The following ANKS1B variants were observed in gnomAD, a reference collection of about 807,000 sequenced individuals.
The protein encoded by ANKS1B is ankyrin repeat and sterile alpha motif domain containing 1B.
A neutral mutation model predicts 148.3 loss-of-function variants in ANKS1B; 36 were observed. The ratio of observed to expected loss-of-function variants is 0.24; its 90% CI spans 0.19 to 0.32. The LOEUF is 0.32. ANKS1B is among the 10% of genes least tolerant of loss of function. The pLI is 1.00. For synonymous variants in ANKS1B, 542 were observed against 560.8 expected (o/e 0.97, Z 0.47); for missense variants, 1,157 against 1,542.6 (o/e 0.75, Z 4.19).
intron 1 of ANKS1B, among the ~76,000 whole-genome samples, chr12:99,951,802 CTTGAGCCCAGCAGTTGG>C (rs546666689): frequency 1.2e-3 from 177 of 152,234 alleles, no homozygotes; most frequent in African/African-American, 4.0e-3. Flanking sequence ...CGGAAGATCA[CTTGAGCCCAGCAGTTGG>C]AGGTTACAGT....
At chr12:99,940,643 C>G (rs1361281329) in intron 1 of ANKS1B, among the ~76,000 whole-genome samples, 2 of 152,112 alleles carry the variant, frequency 1.3e-5, no homozygotes, top group Non-Finnish European at 2.9e-5. Flanking sequence ...TCTTACTTAA[C>G]GCTTCCAACT....
At chr12:99,135,916 T>A (rs897958164) in intron 15 of ANKS1B, among the ~76,000 whole-genome samples, 1 of 152,100 alleles carries the variant, frequency 6.6e-6, no homozygotes, top group Non-Finnish European at 1.5e-5. Flanking sequence ...GATTAATGTG[T>A]GGCAGTCTCA....
At chr12:99,647,035 A>G (rs561216899) in intron 9 of ANKS1B, among the ~76,000 whole-genome samples, 1 of 152,272 alleles carries the variant, frequency 6.6e-6, no homozygotes, top group South Asian at 2.1e-4. Context: ...TCCCCTGGTA[A>G]CAGAAATAAA....
chr12:99,572,537 A>C (rs931129230), intron 9 of ANKS1B, among the ~76,000 whole-genome samples: 1 of 152,136 alleles, frequency 6.6e-6, no homozygotes, highest in African/African-American at 2.4e-5. Context: ...AAAATTCAAC[A>C]GTTACAGTCT....
chr12:99,673,304 G>A (rs2091335528), intron 8 of ANKS1B, among the ~76,000 whole-genome samples: 1 of 152,010 alleles, frequency 6.6e-6, no homozygotes, highest in Admixed American at 6.6e-5. Context: ...CAAGCTTCCA[G>A]AATGAACACT....
At chr12:99,224,848 T>C (rs1443944506) in intron 14 of ANKS1B, among the ~76,000 whole-genome samples, 1 of 152,180 alleles carries the variant, frequency 6.6e-6, no homozygotes, top group Non-Finnish European at 1.5e-5. Flanking sequence ...ACACTGTATC[T>C]CATAATCTTT....
intron 15 of ANKS1B, among the ~76,000 whole-genome samples, chr12:99,103,579 T>A (rs2058488280): frequency 6.6e-6 from 1 of 152,226 alleles, no homozygotes; most frequent in South Asian, 2.1e-4. Flanking sequence ...ATTTAAATAC[T>A]TCTTAAAACA....
chr12:98,746,583 G>A (rs1192815028), intron 26 of ANKS1B, among the ~76,000 whole-genome samples: 5 of 152,126 alleles, frequency 3.3e-5, no homozygotes, highest in South Asian at 2.1e-4. Flanking sequence ...GCCGCTATGC[G>A]TCATCACATA....
At chr12:99,500,099 AGT>A (rs1287736596) in intron 10 of ANKS1B, among the ~76,000 whole-genome samples, 1 of 152,184 alleles carries the variant, frequency 6.6e-6, no homozygotes, top group African/African-American at 2.4e-5. Context: ...CTCTCTCTGC[AGT>A]GTTTTACCTA....
chr12:99,675,445 C>T (rs1567619012), intron 8 of ANKS1B, among the ~76,000 whole-genome samples: 1 of 151,572 alleles, frequency 6.6e-6, no homozygotes, highest in Non-Finnish European at 1.5e-5. Flanking sequence ...TAATATGTTG[C>T]ACTGTTTTAA....
intron 17 of ANKS1B, among the ~76,000 whole-genome samples, chr12:99,007,979 C>A (rs2099937121): frequency 6.6e-6 from 1 of 151,828 alleles, no homozygotes; most frequent in African/African-American, 2.4e-5. Flanking sequence ...AGCCCCCCCA[C>A]CCTCTATCAG....
At chr12:99,980,487 T>C (rs2095685294) in intron 1 of ANKS1B, among the ~76,000 whole-genome samples, 1 of 152,028 alleles carries the variant, frequency 6.6e-6, no homozygotes, top group Admixed American at 6.5e-5. Context: ...AAGATCATAC[T>C]ATAAATGCTT....
At chr12:99,966,647 A>G (rs1364761709) in intron 1 of ANKS1B, among the ~76,000 whole-genome samples, 1 of 152,202 alleles carries the variant, frequency 6.6e-6, no homozygotes, top group Non-Finnish European at 1.5e-5. Flanking sequence ...TAGAGAGAAG[A>G]GTCTATTTTC....
intron 17 of ANKS1B, among the ~76,000 whole-genome samples, chr12:98,994,287 T>G (rs2099928290): frequency 6.6e-6 from 1 of 152,300 alleles, no homozygotes; most frequent in East Asian, 1.9e-4. Flanking sequence ...ACTTCTTGTT[T>G]TAGTTTGCTA....
At position 98,909,937 on chromosome 12, in the gene ANKS1B, C is replaced by G. The variant is rs550485357; in HGVS notation, c.2779-77801G>C. Among the ~76,000 whole-genome samples, 11 of 152,304 alleles carry G rather than the reference C, an allele frequency of 7.2e-5. No individual in the cohort carries two copies. The South Asian group carries it at 1.5e-3, about 20-fold the overall frequency. ...GATACAGCTCCATACCTCAGGGGGC[C>G]GGGAATCAGCTGCCAGCAGCCAATG... On this transcript the variant is annotated intron_variant, in intron 17 of 26. Coordinates refer to ENST00000683438, the MANE Select transcript of ANKS1B (RefSeq NM_001352186.2).
At chr12:98,853,145 T>C (rs745783004) in intron 17 of ANKS1B, among the ~76,000 whole-genome samples, 3 of 152,088 alleles carry the variant, frequency 2.0e-5, no homozygotes, top group Non-Finnish European at 4.4e-5. Flanking sequence ...CAGGTTGAGG[T>C]TTTTCTGTCT....
intron 1 of ANKS1B, among the ~76,000 whole-genome samples, chr12:99,932,143 G>T (rs1024709957): frequency 2.0e-5 from 3 of 152,082 alleles, no homozygotes; most frequent in Non-Finnish European, 4.4e-5. Context: ...GTGTATACGT[G>T]ACACATTTTC....
chr12:99,571,511 T>A (rs147817979), intron 9 of ANKS1B, among the ~76,000 whole-genome samples: 1 of 152,256 alleles, frequency 6.6e-6, no homozygotes, highest in Non-Finnish European at 1.5e-5. Context: ...AATGTTTACT[T>A]CAAGTCTGCT....
intron 17 of ANKS1B, among the ~76,000 whole-genome samples, chr12:98,855,072 T>C (rs1395140423): frequency 1.3e-5 from 2 of 148,890 alleles, no homozygotes; most frequent in South Asian, 2.1e-4. Flanking sequence ...GGCAGGAGAA[T>C]GGCGTGAACC....
Sources: gnomAD v4.1 joint callset for allele counts (sites outside exome capture counted in the v4.1 genomes callset) on GRCh38, gnomAD v4.1.1 for gene constraint, MANE v1.5 for transcripts, NCBI Gene and HGNC (gene_info 2026-07-23, HGNC 2026-07-21) for gene names.